ADAMTSL1: variants seen among roughly 807,000 people sequenced by gnomAD.
ADAMTSL1 encodes the protein ADAMTS-like protein 1.
A neutral mutation model predicts 201.8 loss-of-function variants in ADAMTSL1; 126 were observed. The ratio of observed to expected loss-of-function variants is 0.62; its 90% CI spans 0.54 to 0.72. The LOEUF (loss-of-function observed/expected upper bound fraction) is 0.72. Ranked by LOEUF, ADAMTSL1 falls within the 30% of genes least tolerant of loss-of-function variation. The pLI is 0.00. For synonymous variants in ADAMTSL1, 1,121 were observed against 903.4 expected, an observed-to-expected ratio of 1.24 and a Z score of -4.32; for missense variants, 2,679 against 2,277.8, an observed-to-expected ratio of 1.18 and a Z score of -3.59.
chr9:18,603,431 C>G (rs1824801194), intron 4 of ADAMTSL1, among the ~76,000 whole-genome samples: 2 of 152,082 alleles, frequency 1.3e-5, no homozygotes, highest in Non-Finnish European at 2.9e-5. Flanking sequence ...CTGTGCTATA[C>G]TGTACTATGC....
At chr9:18,900,482 G>C (rs1170501422) in intron 26 of ADAMTSL1, among the ~76,000 whole-genome samples, 1 of 152,152 alleles carries the variant, frequency 6.6e-6, no homozygotes, top group Non-Finnish European at 1.5e-5. Flanking sequence ...GCATATGTAT[G>C]TTTACTGCAG....
intron 2 of ADAMTSL1, among the ~76,000 whole-genome samples, chr9:18,312,510 G>A (rs1834195222): frequency 6.6e-6 from 1 of 152,176 alleles, no homozygotes; most frequent in African/African-American, 2.4e-5. Flanking sequence ...AGTTGCTTTT[G>A]CCTGGTAGTG....
At chr9:18,477,226 A>G (rs1026028700) in intron 1 of ADAMTSL1, among the ~76,000 whole-genome samples, 2 of 152,234 alleles carry the variant, frequency 1.3e-5, no homozygotes, top group Non-Finnish European at 2.9e-5. Flanking sequence ...TTGAAGTCAA[A>G]TCACTTCTTG....
intron 1 of ADAMTSL1, among the ~76,000 whole-genome samples, chr9:17,963,627 C>T (rs574919693): frequency 6.6e-6 from 1 of 152,108 alleles, no homozygotes; most frequent in African/African-American, 2.4e-5. Flanking sequence ...TTCTGGAAGC[C>T]TGAGTTCTAG....
intron 23 of ADAMTSL1, among the ~76,000 whole-genome samples, chr9:18,850,841 C>T (rs751021218): frequency 6.6e-6 from 1 of 152,178 alleles, no homozygotes; most frequent in Non-Finnish European, 1.5e-5. Flanking sequence ...TTCCCTTTGA[C>T]AAAACCAGCC....
intron 1 of ADAMTSL1, among the ~76,000 whole-genome samples, chr9:17,940,488 T>C (rs535352802): frequency 1.3e-5 from 2 of 151,932 alleles, no homozygotes; most frequent in African/African-American, 2.4e-5. Flanking sequence ...TGTACTGAGA[T>C]AGGAGGACAG....
At chr9:18,788,711 A>T (rs1392084120) in intron 19 of ADAMTSL1, among the ~76,000 whole-genome samples, 1 of 152,236 alleles carries the variant, frequency 6.6e-6, no homozygotes, top group South Asian at 2.1e-4. Context: ...TACCCATTTT[A>T]GGATAAGGAA....
chr9:18,359,836 C>CCCG (rs1554666081), intron 2 of ADAMTSL1, among the ~76,000 whole-genome samples: 1 of 113,918 alleles, frequency 8.8e-6, no homozygotes, highest in South Asian at 4.0e-4. Context: ...CGCCCCCCCG[C>CCCG]CCACACAAAA....
intron 23 of ADAMTSL1, among the ~76,000 whole-genome samples, chr9:18,886,281 G>A (rs1379064466): frequency 6.8e-6 from 1 of 146,884 alleles, no homozygotes; most frequent in Non-Finnish European, 1.5e-5. Flanking sequence ...ATCTGGACAT[G>A]GTGGTGCACA....
chr9:18,303,359 C>G (rs1444831540), intron 2 of ADAMTSL1, among the ~76,000 whole-genome samples: 1 of 152,210 alleles, frequency 6.6e-6, no homozygotes, highest in Non-Finnish European at 1.5e-5. Flanking sequence ...GGTCTTCCAG[C>G]CTCAGCCAGA....
Position 18,753,901 on chromosome 9 carries a change from G to C in ADAMTSL1, c.2217+393G>C, listed in dbSNP as rs549004666. Among the ~76,000 whole-genome samples, 137 of 152,196 alleles carry C rather than the reference G, an allele frequency of 9.0e-4. 3 individuals carry two copies. The South Asian group carries it at 0.016, about 17-fold the overall frequency. On this transcript the variant is annotated intron_variant, in intron 16 of 28. Transcript: ENST00000380548. ...GCTGTTTAAAATTCTAAGAAATAAGGGTAGTAGGCAATGATTTTTTTTAAC... is the reference window on the plus strand; with the variant it reads ...GCTGTTTAAAATTCTAAGAAATAAGCGTAGTAGGCAATGATTTTTTTTAAC...
rs375664250 is a variant in ADAMTSL1 at position 18,640,199 on chromosome 9, G to T, written c.834+788G>T. ...AGGCAGTAAGGTTAGAGGGAGAAAGGTTCCAGAATACTGTCCTCCGTCTCC... is the reference window on the plus strand; with the variant it reads ...AGGCAGTAAGGTTAGAGGGAGAAAGTTTCCAGAATACTGTCCTCCGTCTCC... On this transcript the variant is annotated intron_variant, in intron 7 of 28. Coordinates refer to ENST00000380548, the MANE Select transcript of ADAMTSL1 (RefSeq NM_001040272.6). 9.9e-5 allele frequency among the ~76,000 whole-genome samples: 15 copies of T among 152,198 alleles called. No individual in the cohort carries two copies. In the South Asian group the frequency reaches 2.5e-3, roughly 25 times the overall value.
intron 7 of ADAMTSL1, among the ~76,000 whole-genome samples, chr9:18,650,340 T>G (rs1828154177): frequency 6.6e-6 from 1 of 152,204 alleles, no homozygotes; most frequent in Non-Finnish European, 1.5e-5. Flanking sequence ...CCCCTTGCAC[T>G]TCCTGAGTGA....
chr9:18,210,969 T>TA (rs572459107), intron 2 of ADAMTSL1, among the ~76,000 whole-genome samples: 65 of 142,060 alleles, frequency 4.6e-4, no homozygotes, highest in African/African-American at 4.6e-4. Context: ...TAAGTTCTAT[T>TA]AAAAAAAAAA....
At chr9:18,100,832 G>C (rs768927866) in intron 1 of ADAMTSL1, among the ~76,000 whole-genome samples, 4 of 152,168 alleles carry the variant, frequency 2.6e-5, no homozygotes, top group African/African-American at 9.7e-5. Context: ...CTTCTGTTCT[G>C]AAATTGACCT....
At chr9:18,588,757 G>C (rs1823689580) in intron 4 of ADAMTSL1, among the ~76,000 whole-genome samples, 1 of 150,704 alleles carries the variant, frequency 6.6e-6, no homozygotes, top group Admixed American at 6.6e-5. Flanking sequence ...GTTGAAAATG[G>C]GTTGGCTGTT....
chr9:18,881,695 G>A (rs1427145944), intron 23 of ADAMTSL1, among the ~76,000 whole-genome samples: 1 of 152,128 alleles, frequency 6.6e-6, no homozygotes, highest in Non-Finnish European at 1.5e-5. Context: ...TTAGCACAGG[G>A]TTGCCACAAA....
At chr9:18,158,160 T>G (rs931695883) in intron 1 of ADAMTSL1, among the ~76,000 whole-genome samples, 1 of 151,988 alleles carries the variant, frequency 6.6e-6, no homozygotes, top group East Asian at 1.9e-4. Context: ...TTTGAGTGCA[T>G]GCAGAAAGGG....
At chr9:18,038,389 A>G (rs1426428234) in intron 1 of ADAMTSL1, among the ~76,000 whole-genome samples, 1 of 152,212 alleles carries the variant, frequency 6.6e-6, no homozygotes, top group Non-Finnish European at 1.5e-5. Flanking sequence ...CAGCAAGTCA[A>G]TTAATTAAGA....
Sources: allele counts gnomAD v4.1 joint callset (sites outside exome capture counted in the v4.1 genomes callset), GRCh38; gene constraint gnomAD v4.1.1; transcripts MANE v1.5; gene names NCBI Gene and HGNC (gene_info 2026-07-23, HGNC 2026-07-21).